ACIN1: variants seen among roughly 807,000 people sequenced by gnomAD.
ACIN1 encodes apoptotic chromatin condensation inducer in the nucleus.
In ACIN1, 16 loss-of-function variants were observed where a neutral mutation model predicts 146.6. The ratio of observed to expected loss-of-function variants is 0.11; its 90% CI spans 0.07 to 0.17. The LOEUF is 0.17. Ranked by LOEUF, ACIN1 falls within the 10% of genes least tolerant of loss-of-function variation. The pLI is 1.00. For missense variants in ACIN1, 1,357 were observed against 1,609.3 expected, an observed-to-expected ratio of 0.84 and a Z score of 2.68; for synonymous variants, 569 against 582.7, an observed-to-expected ratio of 0.98 and a Z score of 0.34.
chr14:23,071,330 C>A lies in ACIN1; in HGVS notation c.2124-1713G>T, dbSNP rs1034508848. The A allele has an allele frequency of 5.1e-5, 77 of 1,512,310 alleles. No individual in the cohort carries two copies. In the East Asian group the frequency reaches 9.9e-4, roughly 19 times the overall value. The allele number at this position is 1,512,310 out of a possible 1,614,324, so 93.7% of individuals were successfully genotyped here. On this transcript the variant is annotated intron_variant, in intron 8 of 18. Coordinates refer to ENST00000605057, the MANE Select transcript of ACIN1 (RefSeq NM_001386863.1). ...AGAGAGAAAATTGAGATGTAGCAAC[C>A]GGGGATCCAAAAAATGGTAAATGGA...
rs1219728125 is a variant in ACIN1, at chr14:23,062,539, GA to G, written c.2884-17del. The G allele has an allele frequency of 1.2e-6, 2 of 1,610,096 alleles. No homozygotes were observed. The highest frequency in any genetic ancestry group is 1.7e-6 in the Non-Finnish European group (2 of 1,176,482). On this transcript the variant is annotated splice_polypyrimidine_tract_variant and intron_variant, in intron 14 of 18. Coordinates refer to ENST00000605057, the MANE Select transcript of ACIN1 (RefSeq NM_001386863.1). Reference sequence around the variant, plus strand: ...AAGGACGGACCTGCCAATGAAAATAGACTTTCAGGGTCTAGCAGAAGGCAAG... The same window carrying G: ...AAGGACGGACCTGCCAATGAAAATAGCTTTCAGGGTCTAGCAGAAGGCAAG...
In ACIN1 at chr14:23,074,206, C is replaced by T. The variant is rs146505922; in HGVS notation, c.2123+3945G>A. On this transcript the variant is annotated intron_variant, in intron 8 of 18. Transcript: ENST00000605057. ...CTTTACCCTCTTAAGACACAAGAGGCGTGTGTTTTCTATTTCCCCATGATC... is the reference window on the plus strand; with the variant it reads ...CTTTACCCTCTTAAGACACAAGAGGTGTGTGTTTTCTATTTCCCCATGATC... Among the ~76,000 whole-genome samples, 723 of 151,648 alleles carry T rather than the reference C, an allele frequency of 4.8e-3. 5 individuals are homozygous for T. The highest frequency in any genetic ancestry group is 0.017 in the African/African-American group (690 of 41,378).
Position 23,071,579 on chromosome 14 carries a change from T to A in ACIN1, c.2124-1962A>T, listed in dbSNP as rs1246308281. On this transcript the variant is annotated intron_variant, in intron 8 of 18. Coordinates refer to ENST00000605057, the MANE Select transcript of ACIN1 (RefSeq NM_001386863.1). ...ATCTTGCCACTTACCCAGCAGCCTG[T>A]GTGTGCGGATGGGGGAGGGCCTTGC... 3 of 1,541,622 alleles carry A rather than the reference T, an allele frequency of 1.9e-6. No individual in the cohort carries two copies. The African/African-American group carries it at 4.1e-5, about 21-fold the overall frequency.
intron 9 of ACIN1, 93 bp downstream of exon 9, chr14:23,069,383 A>G: frequency 1.3e-6 from 2 of 1,498,544 alleles, no homozygotes; most frequent in Non-Finnish European, 1.8e-6. Flanking sequence ...CTTTAAGTTA[A>G]CCCACCGTGT....
chr14:23,093,302 C>G (rs1185214194), intron 2 of ACIN1, among the ~76,000 whole-genome samples, 177 bp downstream of exon 2: 2 of 152,206 alleles, frequency 1.3e-5, no homozygotes, highest in African/African-American at 4.8e-5. Context: ...TTACTCCAGG[C>G]CCTTGTATAC....
At chr14:23,094,404 T>C (rs1192802456) in intron 1 of ACIN1, 24 of 922,634 alleles carry the variant, frequency 2.6e-5, no homozygotes, top group Non-Finnish European at 3.1e-5. Flanking sequence ...CACCAAACTC[T>C]TAACCACCCA....
Position 23,078,174 on chromosome 14 carries a change from T to C in ACIN1, c.2100A>G (p.Glu700=), listed in dbSNP as rs368411290. The C allele has an allele frequency of 1.2e-6, 2 of 1,614,100 alleles. No homozygotes were observed. The highest frequency in any genetic ancestry group is 2.7e-5 in the African/African-American group (2 of 74,944). The change falls in exon 8 of 19, where the codon GAA becomes GAG. Residue 700 remains glutamate, a synonymous_variant. Transcript: ENST00000605057. The stretch of plus-strand genomic sequence containing the variant: ...ACACAGTGTGATGAATTCTTTCTGA[T>C]TCTGGCAGATGAGAGGTCTGAGTCT... The part of the protein sequence containing the change: ...TSETQTSHLP[E]SERIHHTVEE...
intron 13 of ACIN1, 92 bp downstream of exon 13, chr14:23,063,344 G>T: frequency 6.8e-7 from 1 of 1,470,888 alleles, no homozygotes; most frequent in Non-Finnish European, 9.2e-7. Context: ...ATAATGAAAG[G>T]CAGGAAACAT....
Position 23,078,895 on chromosome 14 carries a change from G to T in ACIN1, c.1932C>A (p.Ser644=). ...GACTCAGACGCCTTGCTTGGACAGA[G>T]GATGAGGAGGTGGAAGTCCTCTCCT... ...EPKERTSTSS[S]SVQARRLSQP... Residue 644 remains serine (S), a synonymous_variant, in exon 7 of 19, where the codon TCC becomes TCA. Transcript: ENST00000605057. The T allele has an allele frequency of 1.2e-6, 2 of 1,614,068 alleles. No homozygotes were observed. Among genetic ancestry groups the T allele is most frequent in the Non-Finnish European group, 1.7e-6 (2 of 1,180,022 alleles).
At position 23,061,928 on chromosome 14, in the gene ACIN1, C is replaced by T. The variant is rs796241742; in HGVS notation, c.3099+240G>A. 6.2e-4 allele frequency among the ~76,000 whole-genome samples: 89 copies of T among 143,750 alleles called. 2 individuals carry two copies. Among genetic ancestry groups the T allele is most frequent in the Middle Eastern group, 3.6e-3 (1 of 278 alleles). The allele number at this position is 143,750 out of a possible 152,430, so 94.3% of individuals were successfully genotyped here. A position where few individuals can be genotyped will look rare whatever the true frequency, so the allele number is the denominator to read the frequency against. ...GGCGGAGCTTGCAGTGAGCTGAGAT[C>T]GCGCCACTGCACTCCAGCCTGGGAG... On this transcript the variant is annotated intron_variant, in intron 16 of 18. Coordinates refer to ENST00000605057, the MANE Select transcript of ACIN1 (RefSeq NM_001386863.1).
At chr14:23,078,531 T>C (rs1674639301) in intron 7 of ACIN1, among the ~76,000 whole-genome samples, 1 of 152,232 alleles carries the variant, frequency 6.6e-6, no homozygotes, top group Admixed American at 6.5e-5. Flanking sequence ...TCTGACAGAA[T>C]TCTTTTTTGA....
intron 9 of ACIN1, chr14:23,069,015 AGACCACTG>A (rs2047544230): frequency 1.0e-6 from 1 of 986,108 alleles, no homozygotes; most frequent in Non-Finnish European, 1.2e-6. Context: ...CTCTGCAGTC[AGACCACTG>A]GAGGGCAGAG....
chr14:23,062,088 C>T, intron 16 of ACIN1, 80 bp downstream of exon 16: 1 of 1,186,490 alleles, frequency 8.4e-7, no homozygotes. Context: ...GACTGCAGGT[C>T]TGGCAAGGAT....
chr14:23,069,588 G>C lies in ACIN1; in HGVS notation c.2153C>G (p.Thr718Arg). 6.2e-7 allele frequency: 1 copy of C among 1,610,276 alleles called. No individual in the cohort carries two copies. ...ATCATTTTCAGGTCTGTTTTCACTT[G>C]TGTCCATGGTCACTTCCTCCTTCTC... ...VEEKEEVTMD[T>R]SENRPENDVP... is the part of the protein sequence containing the mutation. The change falls in exon 9 of 19, where the codon ACA (threonine) becomes AGA (arginine). Residue 718 changes from threonine to arginine, a missense_variant. Physicochemically the swap from Thr to Arg is moderately conservative, Grantham distance 71 (BLOSUM62 -1). Coordinates refer to ENST00000605057, the MANE Select transcript of ACIN1 (RefSeq NM_001386863.1).
rs1167093364 is a variant in ACIN1, at chr14:23,061,380, T to G, written c.3342A>C (p.Glu1114Asp). Residue 1114 changes from glutamate to aspartate, a missense_variant, in exon 17 of 19, where the codon GAA (glutamate) becomes GAC (aspartate). Physicochemically the swap from Glu to Asp is conservative, Grantham distance 45 (BLOSUM62 2). This residue lies in a region of ACIN1 where 509 missense variants were observed against 719.6 expected (regional missense o/e 0.71). Coordinates refer to ENST00000605057, the MANE Select transcript of ACIN1 (RefSeq NM_001386863.1). ...EREWDRDKVR[E>D]GPRSRSRSRD... ...GGGACCTTGATCGGGAACGGGGCCC[T>G]TCTCGAACTTTGTCCCGATCCCATT... is the stretch of plus-strand genomic sequence containing the variant. The G allele has an allele frequency of 6.2e-7, 1 of 1,614,166 alleles. No individual in the cohort carries two copies. Among genetic ancestry groups the G allele is most frequent in the South Asian group, 1.1e-5 (1 of 91,086 alleles).
rs1447141374 is a variant in ACIN1, at chr14:23,080,726, G to A, written c.609C>T (p.Val203=). ...DQETPSRNLR[V]RADRNLKTEE... ...CTGTTTTCAAATTTCGATCTGCTCT[G>A]ACCCTTAGGTTTCTGGAAGGTGTTT... Residue 203 remains valine (V), a synonymous_variant, in exon 6 of 19, where the codon GTC becomes GTT. Transcript: ENST00000605057. The A allele has an allele frequency of 6.2e-7, 1 of 1,613,670 alleles. No individual in the cohort carries two copies. Among genetic ancestry groups the A allele is most frequent in the Non-Finnish European group, 8.5e-7 (1 of 1,179,966 alleles).
chr14:23,071,204 A>G, intron 8 of ACIN1: 1 of 1,520,734 alleles, frequency 6.6e-7, no homozygotes, highest in Non-Finnish European at 8.8e-7. Context: ...GGAAGAAATA[A>G]CAAAAACCAA....
chr14:23,069,626 AG>A lies in ACIN1; in HGVS notation c.2124-10del. 9 of 341,514 alleles carry A rather than the reference AG, an allele frequency of 2.6e-5. No homozygotes were observed. Among genetic ancestry groups the A allele is most frequent in the Non-Finnish European group, 3.2e-5 (7 of 217,092 alleles). 21.2% of individuals were successfully genotyped at this position (341,514 alleles called of 1,614,324 possible). Reference sequence around the variant, plus strand: ...CTTCCTCCTTCTCCTCACTGACAGGAGGGGGGAGTGGTGGTGGGGGGGCGGG... The same window carrying A: ...CTTCCTCCTTCTCCTCACTGACAGGAGGGGGAGTGGTGGTGGGGGGGCGGG... On this transcript the variant is annotated splice_polypyrimidine_tract_variant and intron_variant, in intron 8 of 18. Coordinates refer to ENST00000605057, the MANE Select transcript of ACIN1 (RefSeq NM_001386863.1).
rs770756009 is a variant in ACIN1 at position 23,065,917 on chromosome 14, G to A, written c.2308+49C>T. 8.3e-6 allele frequency: 13 copies of A among 1,564,010 alleles called. No individual in the cohort carries two copies. In the South Asian group the frequency reaches 1.4e-4, roughly 17 times the overall value. On this transcript the variant is annotated intron_variant, in intron 10 of 18. Coordinates refer to ENST00000605057, the MANE Select transcript of ACIN1 (RefSeq NM_001386863.1). ...AAATTCTGGTTCTCAATGAATGCTG[G>A]TTTTTATGGTATTCCTGACTTTTAT...
Sources: allele counts gnomAD v4.1 joint callset (sites outside exome capture counted in the v4.1 genomes callset), GRCh38; gene constraint gnomAD v4.1.1; regional missense constraint gnomAD v4.1.1; transcripts MANE v1.5; gene names NCBI Gene and HGNC (gene_info 2026-07-23, HGNC 2026-07-21).